SPRY3: variants seen among roughly 807,000 people sequenced by gnomAD.
The protein encoded by SPRY3 is protein sprouty homolog 3.
SPRY3 carries 15 observed loss-of-function variants against 20.2 expected under a neutral mutation model. The ratio of observed to expected loss-of-function variants is 0.74; its 90% confidence interval spans 0.50 to 1.14. SPRY3 has a LOEUF of 1.14. SPRY3 is among the 50% of genes most tolerant of loss of function. The pLI is 0.00. For synonymous variants in SPRY3, 143 were observed against 136.5 expected (o/e 1.05, Z -0.33); for missense variants, 364 against 363.9 (o/e 1.00, Z 0.00).
At chrX:155,714,445 T>A (rs2091007422) in intron 2 of SPRY3, among the ~76,000 whole-genome samples, 1 of 152,180 alleles carries the variant, frequency 6.6e-6, no homozygotes, top group Non-Finnish European at 1.5e-5. Context: ...TGGTCTTAGA[T>A]AAGATCTGGA....
At chrX:155,717,247 A>G (rs2091029690) in intron 2 of SPRY3, among the ~76,000 whole-genome samples, 1 of 151,494 alleles carries the variant, frequency 6.6e-6, no homozygotes, top group African/African-American at 2.4e-5. Flanking sequence ...CAATCAGCCA[A>G]GGATGTATGG....
intron 2 of SPRY3, among the ~76,000 whole-genome samples, chrX:155,670,378 T>C (rs1262274639): frequency 8.9e-6 from 1 of 112,064 alleles, no homozygotes; most frequent in Non-Finnish European, 1.9e-5. Context: ...TCTTTCCCTC[T>C]GGGGAAGCTT....
chrX:155,715,045 C>G (rs2091012558), intron 2 of SPRY3, among the ~76,000 whole-genome samples: 1 of 152,134 alleles, frequency 6.6e-6, no homozygotes, highest in Admixed American at 6.6e-5. Flanking sequence ...TTAGGGACTC[C>G]AACAGTGTGA....
chrX:155,625,110 T>A (rs1270224966), intron 1 of SPRY3, among the ~76,000 whole-genome samples: 2 of 111,938 alleles, frequency 1.8e-5, no homozygotes, highest in South Asian at 3.6e-4. Flanking sequence ...ACTTTTTTGA[T>A]CAATTTTTTT....
chrX:155,742,097 A>T lies in SPRY3; in HGVS notation c.-281-25865A>T, dbSNP rs376557617. On this transcript the variant is annotated intron_variant, in intron 2 of 3. Coordinates refer to ENST00000675360, the Ensembl canonical transcript of SPRY3. ...CCCATCAGTATGCTATCTTCAAGAG[A>T]CCCATCTCATGTACAAAGACACATG... 3.9e-5 allele frequency among the ~76,000 whole-genome samples: 6 copies of T among 152,262 alleles called. No homozygotes were observed. The East Asian group carries it at 9.7e-4, about 25-fold the overall frequency.
chrX:155,755,860 G>A (rs2091281670), intron 2 of SPRY3, among the ~76,000 whole-genome samples: 1 of 151,950 alleles, frequency 6.6e-6, no homozygotes, highest in Admixed American at 6.6e-5. Flanking sequence ...CTCCAAGAAA[G>A]CAGAGAAGAC....
At chrX:155,770,354 A>G (rs2091373260) in intron 3 of SPRY3, among the ~76,000 whole-genome samples, 1 of 152,212 alleles carries the variant, frequency 6.6e-6, no homozygotes, top group African/African-American at 2.4e-5. Context: ...ATTAACAAAC[A>G]TTAGCATTTC....
downstream of SPRY3, chrX:155,776,913 A>G (rs759324352): frequency 1.8e-5 from 3 of 167,102 alleles, no homozygotes; most frequent in East Asian, 1.9e-4. Flanking sequence ...GCTTTGCTCT[A>G]TTTTTGTATA....
At chrX:155,632,824 A>G (rs1389462562) in intron 1 of SPRY3, among the ~76,000 whole-genome samples, 1 of 111,737 alleles carries the variant, frequency 8.9e-6, no homozygotes, top group East Asian at 2.8e-4. Context: ...GGAGGAGTAA[A>G]GAATTGTGGC....
intron 3 of SPRY3, among the ~76,000 whole-genome samples, chrX:155,773,309 TA>T (rs1569402331): frequency 0.053 from 7,089 of 133,984 alleles, 244 homozygotes; most frequent in Non-Finnish European, 0.068. Context: ...TTTGATTGGA[TA>T]TATATATATA....
intron 1 of SPRY3, among the ~76,000 whole-genome samples, chrX:155,653,263 T>C (rs2067982508): frequency 8.9e-6 from 1 of 112,005 alleles, no homozygotes; most frequent in Non-Finnish European, 1.9e-5. Context: ...GTCCATTTTA[T>C]GGTTTTTAAA....
intron 2 of SPRY3, among the ~76,000 whole-genome samples, chrX:155,671,456 CA>C (rs1212535365): frequency 1.8e-5 from 2 of 111,038 alleles, no homozygotes; most frequent in East Asian, 5.7e-4. Context: ...AGGGCTATGG[CA>C]AAATCTTTCT....
At chrX:155,618,291 G>A (rs1413180763) in intron 1 of SPRY3, among the ~76,000 whole-genome samples, 9 of 111,347 alleles carry the variant, frequency 8.1e-5, no homozygotes, top group African/African-American at 2.9e-4. Flanking sequence ...AACCTTTTGG[G>A]ATTGGCTTTT....
chrX:155,708,877 C>A (rs926128532), intron 2 of SPRY3, among the ~76,000 whole-genome samples: 26 of 151,292 alleles, frequency 1.7e-4, no homozygotes, highest in Admixed American at 4.6e-4. Context: ...CATTAACCAT[C>A]CCCACCTTTT....
Position 155,693,541 on chromosome X carries a change from T to C in SPRY3, c.-282+36516T>C, listed in dbSNP as rs189258849. Reference sequence around the variant, plus strand: ...TCATGTATATCTTTACTGACCTTTTTGTTTAGTTGTTGTGTCAATTGCTAA... The same window carrying C: ...TCATGTATATCTTTACTGACCTTTTCGTTTAGTTGTTGTGTCAATTGCTAA... On this transcript the variant is annotated intron_variant, in intron 2 of 3. Coordinates refer to ENST00000675360, the Ensembl canonical transcript of SPRY3. Among the ~76,000 whole-genome samples, 8 of 111,998 alleles carry C rather than the reference T, an allele frequency of 7.1e-5. No individual in the cohort carries two copies. The East Asian group carries it at 2.0e-3, about 28-fold the overall frequency.
chrX:155,743,292 G>A (rs760061055), intron 2 of SPRY3, among the ~76,000 whole-genome samples: 2 of 152,204 alleles, frequency 1.3e-5, no homozygotes, highest in South Asian at 2.1e-4. Flanking sequence ...GTGTGTCAGA[G>A]ATCTAGGGGA....
intron 2 of SPRY3, among the ~76,000 whole-genome samples, chrX:155,766,488 T>G (rs1046974411): frequency 2.0e-5 from 3 of 152,170 alleles, no homozygotes; most frequent in Non-Finnish European, 4.4e-5. Flanking sequence ...CTGTCACCAT[T>G]TACCATCTCA....
chrX:155,778,941 T>A, downstream of SPRY3: 1 of 166,942 alleles, frequency 6.0e-6, no homozygotes. Flanking sequence ...GTAGTATGAG[T>A]AAGGAAAGGG....
chrX:155,708,075 A>G (rs1411277975), intron 2 of SPRY3, among the ~76,000 whole-genome samples: 1 of 151,072 alleles, frequency 6.6e-6, no homozygotes. Flanking sequence ...TTTTTGAGCT[A>G]TTTTGTTAAT....
Sources: gnomAD v4.1 joint callset for allele counts (sites outside exome capture counted in the v4.1 genomes callset) on GRCh38, gnomAD v4.1.1 for gene constraint, MANE v1.5 for transcripts, NCBI Gene and HGNC (gene_info 2026-07-23, HGNC 2026-07-21) for gene names.